Variants in KAT2B observed in about 807,000 individuals in gnomAD.
KAT2B encodes lysine acetyltransferase 2B.
A neutral mutation model predicts 105.9 loss-of-function variants in KAT2B; 36 were observed. That is an observed-to-expected ratio of 0.34 (90% confidence interval 0.26 to 0.45). The LOEUF (loss-of-function observed/expected upper bound fraction) is 0.45, where lower values mean the gene tolerates loss of function less well. Ranked by LOEUF, KAT2B falls within the 20% of genes least tolerant of loss-of-function variation. KAT2B has a pLI of 1.00. For synonymous variants in KAT2B, 397 were observed against 377.9 expected (o/e 1.05, Z -0.59); for missense variants, 820 against 1,021.6 (o/e 0.80, Z 2.69).
intron 1 of KAT2B, among the ~76,000 whole-genome samples, chr3:20,065,313 G>C (rs9826880): frequency 1.9e-4 from 29 of 152,132 alleles, no homozygotes; most frequent in Non-Finnish European, 4.0e-4. Flanking sequence ...TCCCTAAAAG[G>C]TTGTCCTTCA....
intron 14 of KAT2B, among the ~76,000 whole-genome samples, chr3:20,147,408 T>A (rs1317144597): frequency 6.6e-6 from 1 of 152,110 alleles, no homozygotes; most frequent in Non-Finnish European, 1.5e-5. Flanking sequence ...CCACCTAATT[T>A]TTAGGGTTCT....
At chr3:20,095,871 G>A (rs977664480) in intron 3 of KAT2B, among the ~76,000 whole-genome samples, 9 of 152,160 alleles carry the variant, frequency 5.9e-5, no homozygotes, top group African/African-American at 2.2e-4. Flanking sequence ...AATCAGAATG[G>A]CAGGGATGGT....
intron 1 of KAT2B, among the ~76,000 whole-genome samples, chr3:20,067,886 G>T (rs1376381510): frequency 1.3e-5 from 2 of 152,006 alleles, no homozygotes; most frequent in African/African-American, 4.8e-5. Flanking sequence ...TGTTGGCCAG[G>T]CTGGTCTCGA....
At chr3:20,048,835 C>G (rs1349038253) in intron 1 of KAT2B, among the ~76,000 whole-genome samples, 1 of 152,092 alleles carries the variant, frequency 6.6e-6, no homozygotes, top group Non-Finnish European at 1.5e-5. Flanking sequence ...GGAATCCTTG[C>G]TTCTTTCCCT....
chr3:20,077,164 G>C (rs1178169873), intron 2 of KAT2B, among the ~76,000 whole-genome samples: 1 of 152,170 alleles, frequency 6.6e-6, no homozygotes, highest in Admixed American at 6.5e-5. Flanking sequence ...AGAACATTCA[G>C]TTGGGAACTA....
At chr3:20,119,226 A>G (rs1699263671) in intron 7 of KAT2B, among the ~76,000 whole-genome samples, 1 of 151,916 alleles carries the variant, frequency 6.6e-6, no homozygotes, top group Admixed American at 6.6e-5. Flanking sequence ...GTTTTAGCCT[A>G]CACACATGAA....
intron 1 of KAT2B, among the ~76,000 whole-genome samples, chr3:20,063,470 C>T (rs892168593): frequency 1.4e-4 from 21 of 149,056 alleles, no homozygotes; most frequent in Non-Finnish European, 2.8e-4. Flanking sequence ...TGGGGTCTCG[C>T]CCTGTTGCTC....
intron 1 of KAT2B, among the ~76,000 whole-genome samples, chr3:20,048,881 C>T (rs1301678914): frequency 6.6e-6 from 1 of 151,800 alleles, no homozygotes; most frequent in African/African-American, 2.4e-5. Context: ...CCCCCCTTTT[C>T]TTTTTTTTGA....
chr3:20,051,894 T>C (rs546629610), intron 1 of KAT2B, among the ~76,000 whole-genome samples: 2 of 152,282 alleles, frequency 1.3e-5, no homozygotes, highest in South Asian at 2.1e-4. Context: ...TGGGGTGTTA[T>C]ATCTATTGCC....
At chr3:20,063,346 C>T (rs13066876) in intron 1 of KAT2B, among the ~76,000 whole-genome samples, 2 of 150,700 alleles carry the variant, frequency 1.3e-5, no homozygotes, top group African/African-American at 4.9e-5. Context: ...ACCTGGCCGC[C>T]TGTGCTTTTG....
chr3:20,052,699 G>A (rs534674748), intron 1 of KAT2B, among the ~76,000 whole-genome samples: 1 of 152,022 alleles, frequency 6.6e-6, no homozygotes, highest in Non-Finnish European at 1.5e-5. Flanking sequence ...CGGGCACGGT[G>A]GCTCATGCCT....
At chr3:20,081,914 C>CAT (rs145138566) in intron 2 of KAT2B, among the ~76,000 whole-genome samples, 16,427 of 131,212 alleles carry the variant, frequency 0.13, 1,000 homozygotes, top group East Asian at 0.22. Flanking sequence ...TAGAGAGTCT[C>CAT]ATATATATAT....
chr3:20,049,939 C>T (rs1301252403), intron 1 of KAT2B, among the ~76,000 whole-genome samples: 1 of 152,202 alleles, frequency 6.6e-6, no homozygotes, highest in Non-Finnish European at 1.5e-5. Flanking sequence ...GTGGCTCCCC[C>T]TTGTAATCCC....
Position 20,099,982 on chromosome 3 carries a change from T to A in KAT2B, c.669+28T>A, listed in dbSNP as rs1008945669. The A allele has an allele frequency of 5.0e-6, 6 of 1,192,694 alleles. No homozygotes were observed. The African/African-American group carries it at 6.1e-5, about 12-fold the overall frequency. The allele number at this position is 1,192,694 out of a possible 1,614,324, so 73.9% of individuals were successfully genotyped here. ...AAAAAGATTTTAAAAGCCCTCTTTT[T>A]ATTGGCTCAAGGCTGAAGAAATCTT... On this transcript the variant is annotated intron_variant, in intron 4 of 17. Coordinates refer to ENST00000263754, the MANE Select transcript of KAT2B (RefSeq NM_003884.5).
chr3:20,070,629 A>G (rs1367787799), intron 1 of KAT2B, among the ~76,000 whole-genome samples: 1 of 151,600 alleles, frequency 6.6e-6, no homozygotes, highest in Non-Finnish European at 1.5e-5. Flanking sequence ...TGTTACACAT[A>G]TATACACACT....
chr3:20,090,810 C>G (rs1393781920), intron 2 of KAT2B, among the ~76,000 whole-genome samples: 1 of 152,132 alleles, frequency 6.6e-6, no homozygotes, highest in Non-Finnish European at 1.5e-5. Context: ...GCATGGGTCA[C>G]TGCAACCTCA....
At chr3:20,085,485 A>G (rs1412152849) in intron 2 of KAT2B, among the ~76,000 whole-genome samples, 1 of 151,482 alleles carries the variant, frequency 6.6e-6, no homozygotes, top group Non-Finnish European at 1.5e-5. Context: ...TTACACACAC[A>G]CATAATTTTT....
intron 3 of KAT2B, 147 bp downstream of exon 3, chr3:20,095,555 T>G: frequency 1.7e-6 from 1 of 573,632 alleles, no homozygotes; most frequent in East Asian, 2.8e-5. Flanking sequence ...TCATGACTGA[T>G]TCTCTAAAAT....
rs35645247 is a variant in KAT2B at position 20,094,537 on chromosome 3, G to T, written c.431-726G>T. 7.2e-5 allele frequency among the ~76,000 whole-genome samples: 11 copies of T among 152,240 alleles called. 1 individual carries two copies. In the East Asian group the frequency reaches 1.9e-3, roughly 27 times the overall value. ...GGGATTAAATGTAATAACCTTAAAA[G>T]ATGGACTGTATTTGAGTAGAAGAGA... On this transcript the variant is annotated intron_variant, in intron 2 of 17. Transcript: ENST00000263754.
Sources: allele counts gnomAD v4.1 joint callset (sites outside exome capture counted in the v4.1 genomes callset), GRCh38; gene constraint gnomAD v4.1.1; transcripts MANE v1.5; gene names NCBI Gene and HGNC (gene_info 2026-07-23, HGNC 2026-07-21).